Variants in DNM3 observed in about 807,000 individuals in gnomAD.
DNM3 encodes the protein dynamin 3, also known as dynamin-3.
DNM3 carries 47 observed loss-of-function variants against 101.6 expected under a neutral mutation model. That is an observed-to-expected ratio of 0.46 (90% CI 0.37 to 0.59). The LOEUF is 0.59. Ranked by LOEUF, DNM3 falls within the 20% of genes least tolerant of loss-of-function variation. The probability of loss-of-function intolerance (pLI) is 0.00; values close to 1 mark genes in which losing one functional copy is unlikely to be tolerated. For synonymous variants in DNM3, 385 were observed against 387.9 expected (o/e 0.99, Z 0.09); for missense variants, 849 against 1,085.7 (o/e 0.78, Z 3.06).
At chr1:172,279,636 C>G (rs2063412423) in intron 15 of DNM3, among the ~76,000 whole-genome samples, 1 of 152,150 alleles carries the variant, frequency 6.6e-6, no homozygotes, top group Non-Finnish European at 1.5e-5. Flanking sequence ...CCCAGACATG[C>G]TCCTCCAATC....
chr1:172,288,841 TG>T (rs2063795906), intron 15 of DNM3, among the ~76,000 whole-genome samples: 1 of 152,218 alleles, frequency 6.6e-6, no homozygotes, highest in Non-Finnish European at 1.5e-5. Flanking sequence ...AGCTCAGAGA[TG>T]TCTGGCATTT....
At chr1:172,171,366 G>T in intron 14 of DNM3, among the ~76,000 whole-genome samples, 1 of 151,660 alleles carries the variant, frequency 6.6e-6, no homozygotes, top group East Asian at 1.9e-4. Flanking sequence ...ATTTTTAAAT[G>T]GAATTGAATG....
chr1:172,077,851 T>A (rs1002741753), intron 11 of DNM3, among the ~76,000 whole-genome samples: 2 of 152,330 alleles, frequency 1.3e-5, no homozygotes, highest in Non-Finnish European at 2.9e-5. Flanking sequence ...GTCCTGTATA[T>A]CCTTGTTAAC....
chr1:171,978,391 C>T (rs2044539215), intron 2 of DNM3, among the ~76,000 whole-genome samples: 1 of 152,066 alleles, frequency 6.6e-6, no homozygotes, highest in South Asian at 2.1e-4. Context: ...GACAAACATT[C>T]CAGAAGAGGT....
At chr1:172,344,670 G>A (rs1427142200) in intron 17 of DNM3, among the ~76,000 whole-genome samples, 1 of 152,134 alleles carries the variant, frequency 6.6e-6, no homozygotes, top group South Asian at 2.1e-4. Flanking sequence ...AACTGATGGC[G>A]CCAGCGGCTG....
intron 16 of DNM3, among the ~76,000 whole-genome samples, chr1:172,320,126 G>A (rs1285741055): frequency 6.0e-5 from 9 of 150,002 alleles, no homozygotes; most frequent in East Asian, 5.9e-4. Flanking sequence ...GTAAACTATC[G>A]CAAGGACAAA....
At position 172,042,302 on chromosome 1, in the gene DNM3, C is replaced by A. The variant is rs549311300; in HGVS notation, c.1128+158C>A. On this transcript the variant is annotated intron_variant, in intron 8 of 20. Transcript: ENST00000627582. ...ATGAAATTCAGGAGAGGAATATGTTCTTACTGATGATTCTGATTTTATTTA... is the reference window on the plus strand; with the variant it reads ...ATGAAATTCAGGAGAGGAATATGTTATTACTGATGATTCTGATTTTATTTA... Among the ~76,000 whole-genome samples the A allele has an allele frequency of 1.3e-3, 204 of 152,182 alleles. No individual in the cohort carries two copies. In the Middle Eastern group the frequency reaches 0.034, roughly 26 times the overall value.
chr1:172,211,055 C>G (rs888701034), intron 14 of DNM3, among the ~76,000 whole-genome samples: 4 of 152,076 alleles, frequency 2.6e-5, no homozygotes, highest in East Asian at 1.9e-4. Context: ...ATATATCTTA[C>G]AGTTTGTTTC....
intron 18 of DNM3, among the ~76,000 whole-genome samples, chr1:172,379,741 C>A (rs2068796778): frequency 6.6e-6 from 1 of 151,966 alleles, no homozygotes; most frequent in Admixed American, 6.6e-5. Flanking sequence ...AACCTCAAAT[C>A]TGAAAATCCT....
At chr1:172,320,565 G>A (rs547275293) in intron 16 of DNM3, among the ~76,000 whole-genome samples, 44 of 152,090 alleles carry the variant, frequency 2.9e-4, no homozygotes, top group Non-Finnish European at 4.7e-4. Context: ...TTACTCATAA[G>A]AGGGAGTTGA....
intron 14 of DNM3, among the ~76,000 whole-genome samples, chr1:172,231,641 T>G (rs2061340835): frequency 6.6e-6 from 1 of 152,072 alleles, no homozygotes; most frequent in South Asian, 2.1e-4. Flanking sequence ...TGATCAAACT[T>G]CTGCGAGCTA....
intron 2 of DNM3, among the ~76,000 whole-genome samples, chr1:171,983,295 A>G (rs1319166371): frequency 1.3e-5 from 2 of 151,730 alleles, no homozygotes; most frequent in Non-Finnish European, 2.9e-5. Context: ...TCACTACAAA[A>G]AATAAATAAA....
At chr1:172,028,178 C>G (rs146228539) in intron 4 of DNM3, among the ~76,000 whole-genome samples, 7,307 of 152,236 alleles carry the variant, frequency 0.048, 187 homozygotes, top group African/African-American at 0.077. Context: ...GTAAAACACT[C>G]CTCAGCAAAT....
intron 14 of DNM3, among the ~76,000 whole-genome samples, chr1:172,147,230 A>G (rs1338441982): frequency 1.3e-5 from 2 of 152,160 alleles, no homozygotes; most frequent in Non-Finnish European, 2.9e-5. Flanking sequence ...AAAGTTAGGA[A>G]TACACATCTG....
chr1:172,122,345 C>T (rs1441477182), intron 13 of DNM3, among the ~76,000 whole-genome samples: 1 of 152,060 alleles, frequency 6.6e-6, no homozygotes, highest in Non-Finnish European at 1.5e-5. Flanking sequence ...TATATTAACT[C>T]ATATGATTCT....
intron 18 of DNM3, 102 bp from the exon 19 acceptor site, chr1:172,387,031 T>G: frequency 2.0e-6 from 2 of 997,374 alleles, no homozygotes; most frequent in Non-Finnish European, 3.0e-6. Context: ...TTTGGTGGAC[T>G]TTGGTGGACT....
At chr1:172,232,554 G>T (rs2061380011) in intron 14 of DNM3, among the ~76,000 whole-genome samples, 1 of 152,140 alleles carries the variant, frequency 6.6e-6, no homozygotes, top group South Asian at 2.1e-4. Context: ...GACATCTACA[G>T]GACTCTCCAC....
intron 11 of DNM3, 59 bp downstream of exon 11, chr1:172,068,964 A>G: frequency 6.8e-7 from 1 of 1,468,768 alleles, no homozygotes. Context: ...GGTCTCTGCA[A>G]GGTTGTCTGG....
chr1:171,946,590 G>T (rs1192256468), intron 2 of DNM3, among the ~76,000 whole-genome samples: 1 of 152,134 alleles, frequency 6.6e-6, no homozygotes, highest in Non-Finnish European at 1.5e-5. Context: ...CTTGTGATAG[G>T]CATGTGCTTG....
Sources: allele counts gnomAD v4.1 joint callset (sites outside exome capture counted in the v4.1 genomes callset), GRCh38; gene constraint gnomAD v4.1.1; transcripts MANE v1.5; gene names NCBI Gene and HGNC (gene_info 2026-07-23, HGNC 2026-07-21).